The following SMIM27 variants were observed in gnomAD, a reference collection of about 807,000 sequenced individuals.
SMIM27 encodes the protein transition zone microprotein 1.
A neutral mutation model predicts 1.8 loss-of-function variants in SMIM27; 3 were observed. The observed-to-expected ratio is 1.65, with a 90% CI of 0.75 to 4.28. The LOEUF (loss-of-function observed/expected upper bound fraction) is 4.28, where lower values mean the gene tolerates loss of function less well. Among genes scored for constraint, SMIM27 ranks in the 30% most tolerant of loss-of-function variants. The pLI, the probability that SMIM27 is intolerant of heterozygous loss-of-function variation, is 0.02. For missense variants in SMIM27, 63 were observed against 37.0 expected, an observed-to-expected ratio of 1.70 and a Z score of -1.83; for synonymous variants, 19 against 13.9, an observed-to-expected ratio of 1.37 and a Z score of -0.82.
Position 32,552,329 on chromosome 9 carries a change from G to A in SMIM27, c.-106G>A. 1 of 1,509,670 alleles carries A rather than the reference G, an allele frequency of 6.6e-7. No individual in the cohort carries two copies. Among genetic ancestry groups the A allele is most frequent in the Non-Finnish European group, 9.0e-7 (1 of 1,108,878 alleles). The allele number at this position is 1,509,670 out of a possible 1,614,324, so 93.5% of individuals were successfully genotyped here. A position where few individuals can be genotyped will look rare whatever the true frequency, so the allele number is the denominator to read the frequency against. ...ACGAAGCGAGTGGGCGGGCGCTCGT[G>A]CCCGGCTAAAAGATGGCTGCTGGCG... is the stretch of plus-strand genomic sequence containing the variant. On this transcript the variant is annotated 5_prime_UTR_variant, in exon 1 of 2. Transcript: ENST00000692500.
Position 32,552,817 on chromosome 9 carries a change from T to C in SMIM27, c.62T>C (p.Val21Ala). The change falls in exon 2 of 2, where the codon GTT becomes GCT. Residue 21 changes from valine (V) to alanine (A), a missense_variant. Coordinates refer to ENST00000692500, the MANE Select transcript of SMIM27 (RefSeq NM_001387564.1). ...TTGGTTTAGTTGCTGCTTGCCATCG[T>C]TTTAATCTCCTGGGGCTGCATCATC... ...WIYSVLLLAIVLISWGCIIYA... is the reference protein window; with the variant it reads ...WIYSVLLLAIALISWGCIIYA... 1.4e-6 allele frequency: 1 copy of C among 702,232 alleles called. No individual in the cohort carries two copies. Among genetic ancestry groups the C allele is most frequent in the Non-Finnish European group, 2.6e-6 (1 of 384,694 alleles). The allele number at this position is 702,232 out of a possible 1,614,324, so 43.5% of individuals were successfully genotyped here.
intron 1 of SMIM27, 106 bp from the exon 2 acceptor site, chr9:32,552,695 G>C (rs1280381347): frequency 2.3e-5 from 15 of 654,666 alleles, no homozygotes; most frequent in Admixed American, 1.4e-4. Flanking sequence ...CCATTTATTC[G>C]ACTTTGTTAC....
downstream of SMIM27, chr9:32,553,870 TA>T: frequency 6.4e-7 from 1 of 1,559,728 alleles, no homozygotes; most frequent in African/African-American, 1.4e-5. Flanking sequence ...ACTTTTTACA[TA>T]ATCTTTAATG....
downstream of SMIM27, chr9:32,553,759 G>A (rs1239950606): frequency 8.4e-6 from 6 of 717,376 alleles, no homozygotes; most frequent in Non-Finnish European, 1.5e-5. Flanking sequence ...CTTGAAAACA[G>A]ATATGACAAT....
At chr9:32,553,017 A>AT, downstream of SMIM27, 1 of 590,180 alleles carries the variant, frequency 1.7e-6, no homozygotes, top group African/African-American at 1.9e-5. Context: ...TCCCAAGTTT[A>AT]TTTTTGCATT....
downstream of SMIM27, chr9:32,553,035 A>T: frequency 1.7e-6 from 1 of 573,806 alleles, no homozygotes. Context: ...ATTATCCTTT[A>T]TAACAAGCAC....
Position 32,563,491 on chromosome 9 carries a change from C to CTTTTTTTTTTTTTTTTTTTTTTT in SMIM27, c.46-2887_46-2886insTTTTTTTTTTTTTTTTTTTTTTT, listed in dbSNP as rs111646430. ...CTCCTGAACAGGTGGGACTATTGGGCTTTTTTTTTTTTTGGAGGGATGGGG... is the reference window on the plus strand; with the variant it reads ...CTCCTGAACAGGTGGGACTATTGGGCTTTTTTTTTTTTTTTTTTTTTTTTTTTTTTTTTTTTGGAGGGATGGGG... On this transcript the variant is annotated intron_variant, in intron 1 of 1. Coordinates refer to the SMIM27 transcript ENST00000451672. Among the ~76,000 whole-genome samples, 23 of 91,988 alleles carry CTTTTTTTTTTTTTTTTTTTTTTT rather than the reference C, an allele frequency of 2.5e-4. 1 individual carries two copies. Among genetic ancestry groups the CTTTTTTTTTTTTTTTTTTTTTTT allele is most frequent in the African/African-American group, 9.3e-4 (21 of 22,584 alleles). The allele number at this position is 91,988 out of a possible 152,430, so 60.3% of individuals were successfully genotyped here.
intron 1 of SMIM27, among the ~76,000 whole-genome samples, chr9:32,564,686 G>A (rs1028879926): frequency 2.6e-5 from 4 of 151,962 alleles, no homozygotes; most frequent in African/African-American, 7.3e-5. Flanking sequence ...TTGTCTCTGC[G>A]CACTCACCAC....
chr9:32,566,337 G>A (rs1052403629), intron 1 of SMIM27: 3 of 1,169,812 alleles, frequency 2.6e-6, no homozygotes, highest in Non-Finnish European at 3.9e-6. Flanking sequence ...TTCTTTAACT[G>A]CTTCCACCAG....
At chr9:32,566,062 G>GGAGT (rs1380031587) in intron 1 of SMIM27, 1 of 412,204 alleles carries the variant, frequency 2.4e-6, no homozygotes, top group African/African-American at 2.7e-5. Context: ...AGGAGCTACT[G>GGAGT]GAGTGACCAA....
chr9:32,561,458 G>C (rs549827302), intron 1 of SMIM27, among the ~76,000 whole-genome samples: 2 of 152,020 alleles, frequency 1.3e-5, no homozygotes, highest in Non-Finnish European at 2.9e-5. Context: ...CTTCTGAGTA[G>C]CTGGGATTAC....
rs554645010 is a variant in SMIM27, at chr9:32,565,125, T to G, written c.46-1266T>G. Among the ~76,000 whole-genome samples the G allele has an allele frequency of 2.6e-5, 4 of 152,142 alleles. No individual in the cohort carries two copies. In the East Asian group the frequency reaches 7.7e-4, roughly 29 times the overall value. ...CTGGCCAACATGGCAAAACCTCATC[T>G]CTGCTAAAAATACAAAAATTAGTCA... On this transcript the variant is annotated intron_variant, in intron 1 of 1. Transcript: ENST00000451672.
chr9:32,556,271 G>A (rs1821451680), downstream of SMIM27, among the ~76,000 whole-genome samples: 1 of 152,214 alleles, frequency 6.6e-6, no homozygotes, highest in Non-Finnish European at 1.5e-5. Context: ...TATTTGGGAA[G>A]ATGACAGTGA....
intron 1 of SMIM27, among the ~76,000 whole-genome samples, chr9:32,564,611 G>A (rs149825981): frequency 1.3e-5 from 2 of 152,224 alleles, no homozygotes; most frequent in African/African-American, 4.8e-5. Flanking sequence ...TGAGTCCTCT[G>A]TAATCCAGTC....
chr9:32,551,757 C>T (rs538781937), upstream of SMIM27: 261 of 447,712 alleles, frequency 5.8e-4, no homozygotes, highest in Non-Finnish European at 1.0e-3. Context: ...AGTTCAAGAA[C>T]ATCAGACACG....
At chr9:32,563,689 A>G (rs2119019358) in intron 1 of SMIM27, among the ~76,000 whole-genome samples, 1 of 152,214 alleles carries the variant, frequency 6.6e-6, no homozygotes, top group Non-Finnish European at 1.5e-5. Context: ...CTCAAATGGT[A>G]ATTTTTCTAA....
chr9:32,558,897 T>C, intron 1 of SMIM27: 1 of 1,537,380 alleles, frequency 6.5e-7, no homozygotes, highest in East Asian at 2.3e-5. Flanking sequence ...AAATCAGAAG[T>C]GTTAAGACTT....
intron 1 of SMIM27, among the ~76,000 whole-genome samples, chr9:32,561,094 C>A (rs1429157156): frequency 6.6e-6 from 1 of 152,098 alleles, no homozygotes; most frequent in East Asian, 1.9e-4. Context: ...TTTTAAAGCC[C>A]ATCAACAACA....
intron 1 of SMIM27, among the ~76,000 whole-genome samples, chr9:32,563,038 C>G (rs999941980): frequency 2.0e-5 from 3 of 152,188 alleles, no homozygotes; most frequent in Non-Finnish European, 4.4e-5. Context: ...TGAGGGAGAA[C>G]AGCCCCTCAG....
Sources: gnomAD v4.1 joint callset for allele counts (sites outside exome capture counted in the v4.1 genomes callset) on GRCh38, gnomAD v4.1.1 for gene constraint, MANE v1.5 for transcripts, NCBI Gene and HGNC (gene_info 2026-07-23, HGNC 2026-07-21) for gene names.